SHROOM3: variants seen among roughly 807,000 people sequenced by gnomAD.
The protein encoded by SHROOM3 is shroom family member 3.
SHROOM3 carries 47 observed loss-of-function variants against 138.6 expected under a neutral mutation model. The observed-to-expected ratio is 0.34, with a 90% CI of 0.27 to 0.43. SHROOM3 has a LOEUF of 0.43. Among genes scored for constraint, SHROOM3 ranks in the 20% least tolerant of loss-of-function variants. The pLI, the probability that SHROOM3 is intolerant of heterozygous loss-of-function variation, is 1.00. For missense variants in SHROOM3, 2,491 were observed against 2,596.5 expected, an observed-to-expected ratio of 0.96 and a Z score of 0.88; for synonymous variants, 1,062 against 1,063.3, an observed-to-expected ratio of 1.00 and a Z score of 0.02.
intron 2 of SHROOM3, among the ~76,000 whole-genome samples, chr4:76,704,396 T>C (rs1719989776): frequency 6.6e-6 from 1 of 152,148 alleles, no homozygotes; most frequent in Non-Finnish European, 1.5e-5. Flanking sequence ...TGGTTATAAG[T>C]GCAGTAAAGG....
At chr4:76,744,475 C>G (rs965639930) in intron 5 of SHROOM3, among the ~76,000 whole-genome samples, 4 of 152,186 alleles carry the variant, frequency 2.6e-5, no homozygotes, top group East Asian at 3.9e-4. Context: ...CATCTCATGG[C>G]AAGGCGGTCT....
chr4:76,671,665 A>G (rs1718889916), intron 2 of SHROOM3, among the ~76,000 whole-genome samples: 2 of 152,176 alleles, frequency 1.3e-5, no homozygotes, highest in African/African-American at 4.8e-5. Context: ...AGATTTCATC[A>G]CACAGTTCCC....
At chr4:76,572,096 C>T (rs1013840824) in intron 2 of SHROOM3, among the ~76,000 whole-genome samples, 1 of 152,196 alleles carries the variant, frequency 6.6e-6, no homozygotes, top group Non-Finnish European at 1.5e-5. Flanking sequence ...CCTGGATCCT[C>T]ATCCAAACTT....
At chr4:76,459,455 G>A in intron 1 of SHROOM3, among the ~76,000 whole-genome samples, 1 of 152,076 alleles carries the variant, frequency 6.6e-6, no homozygotes, top group East Asian at 1.9e-4. Flanking sequence ...AAGTTCCAGG[G>A]AGCCTAGGTT....
intron 2 of SHROOM3, among the ~76,000 whole-genome samples, chr4:76,588,425 G>T (rs2110047316): frequency 6.6e-6 from 1 of 152,216 alleles, no homozygotes; most frequent in South Asian, 2.1e-4. Flanking sequence ...TCTGGTGAGG[G>T]TCCCTACTGG....
chr4:76,762,712 C>T (rs1722023887), intron 9 of SHROOM3, among the ~76,000 whole-genome samples: 1 of 152,216 alleles, frequency 6.6e-6, no homozygotes, highest in Non-Finnish European at 1.5e-5. Flanking sequence ...GTTTCAGACA[C>T]TGTGCTCTGC....
intron 3 of SHROOM3, among the ~76,000 whole-genome samples, chr4:76,724,430 C>G (rs996317237): frequency 1.3e-5 from 2 of 151,760 alleles, no homozygotes; most frequent in Non-Finnish European, 2.9e-5. Context: ...GAAAAAATAG[C>G]TGTTTAATTT....
chr4:76,464,512 C>CG (rs1413874385), intron 1 of SHROOM3, among the ~76,000 whole-genome samples: 2 of 151,718 alleles, frequency 1.3e-5, no homozygotes, highest in Admixed American at 6.6e-5. Context: ...AGTTAAAACT[C>CG]GGGGGGACTG....
intron 1 of SHROOM3, among the ~76,000 whole-genome samples, chr4:76,554,443 G>T (rs1174993726): frequency 7.1e-6 from 1 of 141,532 alleles, no homozygotes; most frequent in Non-Finnish European, 1.5e-5. Context: ...TTTTTGAGAC[G>T]GAGTCTCACT....
At chr4:76,638,854 G>C (rs886771110) in intron 2 of SHROOM3, 1 of 152,190 alleles carries the variant, frequency 6.6e-6, no homozygotes, top group African/African-American at 2.4e-5. Flanking sequence ...CCTAGGGAAT[G>C]AGTGCTATGC....
chr4:76,740,168 C>G lies in SHROOM3; in HGVS notation c.1995C>G (p.Leu665=). The G allele has an allele frequency of 6.2e-7, 1 of 1,613,944 alleles. No individual in the cohort carries two copies. Among genetic ancestry groups the G allele is most frequent in the Non-Finnish European group, 8.5e-7 (1 of 1,180,032 alleles). The change falls in exon 5 of 11, where the codon CTC becomes CTG. Residue 665 remains leucine, a synonymous_variant. Coordinates refer to ENST00000296043, the MANE Select transcript of SHROOM3 (RefSeq NM_020859.4). The surrounding 1 kb of genome is among the most constrained non-coding windows in gnomAD (Gnocchi z 4.0). ...AGACCAAGTCAGCCTTCTCATCTCT[C>G]CAGAACATTCCTGAGAGTCTGAGAA... ...FGKTKSAFSS[L]QNIPESLRRH... is the part of the protein sequence containing the mutation.
intron 2 of SHROOM3, among the ~76,000 whole-genome samples, chr4:76,615,423 C>T (rs1433654032): frequency 2.0e-5 from 3 of 152,168 alleles, no homozygotes; most frequent in Non-Finnish European, 4.4e-5. Context: ...CCAACTGATG[C>T]CGAAACGTGG....
intron 2 of SHROOM3, among the ~76,000 whole-genome samples, chr4:76,570,805 C>T (rs544046950): frequency 2.8e-4 from 42 of 152,254 alleles, no homozygotes; most frequent in African/African-American, 9.4e-4. Flanking sequence ...TGCACATTCC[C>T]GTCCCAGTCC....
At chr4:76,695,817 C>T (rs921499583) in intron 2 of SHROOM3, among the ~76,000 whole-genome samples, 6 of 152,196 alleles carry the variant, frequency 3.9e-5, no homozygotes, top group Admixed American at 2.0e-4. Context: ...AACTAGGCAG[C>T]CAGAATCTCA....
rs932647471 is a variant in SHROOM3, at chr4:76,688,182, C to T, written c.324-21974C>T. Among the ~76,000 whole-genome samples the T allele has an allele frequency of 2.6e-5, 4 of 152,214 alleles. No homozygotes were observed. In the South Asian group the frequency reaches 6.2e-4, roughly 24 times the overall value. On this transcript the variant is annotated intron_variant, in intron 2 of 10. Coordinates refer to ENST00000296043, the MANE Select transcript of SHROOM3 (RefSeq NM_020859.4). ...TTGTGGTTACCCCATGACTGTGTGA[C>T]AGCTGTGTATGTGTTGATACCTGCT...
intron 2 of SHROOM3, among the ~76,000 whole-genome samples, chr4:76,566,174 A>G (rs1045856552): frequency 6.6e-6 from 1 of 152,066 alleles, no homozygotes; most frequent in African/African-American, 2.4e-5. Flanking sequence ...GAAAATGTAC[A>G]GCCTTTTTTT....
intron 2 of SHROOM3, among the ~76,000 whole-genome samples, chr4:76,691,620 T>C (rs772001034): frequency 6.6e-6 from 1 of 152,230 alleles, no homozygotes; most frequent in Non-Finnish European, 1.5e-5. Flanking sequence ...ATAAATTCTG[T>C]GATTTTAAAG....
chr4:76,459,511 T>TCGATTTGC (rs2109974803), intron 1 of SHROOM3, among the ~76,000 whole-genome samples: 1 of 152,188 alleles, frequency 6.6e-6, no homozygotes, highest in African/African-American at 2.4e-5. Context: ...TATTCAGTCT[T>TCGATTTGC]CGATTTGCCG....
intron 2 of SHROOM3, among the ~76,000 whole-genome samples, chr4:76,678,763 C>CA (rs368560053): frequency 2.0e-5 from 3 of 152,186 alleles, no homozygotes; most frequent in Non-Finnish European, 4.4e-5. Context: ...CAGGTTCAAG[C>CA]AATTCTCCTG....
Sources: allele counts gnomAD v4.1 joint callset (sites outside exome capture counted in the v4.1 genomes callset), GRCh38; gene constraint gnomAD v4.1.1; non-coding constraint Gnocchi (gnomAD v3.1); transcripts MANE v1.5; gene names NCBI Gene and HGNC (gene_info 2026-07-23, HGNC 2026-07-21).